Variants in DCDC2 observed in about 807,000 individuals in gnomAD.
DCDC2 encodes doublecortin domain-containing protein 2.
A neutral mutation model predicts 50.2 loss-of-function variants in DCDC2; 40 were observed. The ratio of observed to expected loss-of-function variants is 0.80; its 90% CI spans 0.62 to 1.04. The LOEUF is 1.04. Among genes scored for constraint, DCDC2 ranks in the 50% least tolerant of loss-of-function variants. The pLI, the probability that DCDC2 is intolerant of heterozygous loss-of-function variation, is 0.00. For missense variants in DCDC2, 570 were observed against 581.9 expected, an observed-to-expected ratio of 0.98 and a Z score of 0.21; for synonymous variants, 234 against 210.6, an observed-to-expected ratio of 1.11 and a Z score of -0.96.
At position 24,187,263 on chromosome 6, in the gene DCDC2, A is replaced by G. The variant is rs938513707; in HGVS notation, c.1024-8631T>C. ...AGGCCAAACCCAGACCTTCCCAGACATAAGTTTGGAGTGGGGAGAGTCCTC... is the reference window on the plus strand; with the variant it reads ...AGGCCAAACCCAGACCTTCCCAGACGTAAGTTTGGAGTGGGGAGAGTCCTC... On this transcript the variant is annotated intron_variant, in intron 8 of 9. Transcript: ENST00000378454. Among the ~76,000 whole-genome samples, 10 of 152,174 alleles carry G rather than the reference A, an allele frequency of 6.6e-5. No individual in the cohort carries two copies. The East Asian group carries it at 9.6e-4, about 15-fold the overall frequency.
At chr6:24,183,847 T>G (rs1761135292) in intron 8 of DCDC2, among the ~76,000 whole-genome samples, 1 of 152,172 alleles carries the variant, frequency 6.6e-6, no homozygotes, top group Non-Finnish European at 1.5e-5. Flanking sequence ...GAGAAGCAGT[T>G]AAGGGCATGT....
At chr6:24,334,666 T>A (rs1318984028) in intron 2 of DCDC2, among the ~76,000 whole-genome samples, 1 of 152,222 alleles carries the variant, frequency 6.6e-6, no homozygotes, top group Non-Finnish European at 1.5e-5. Context: ...AGCTTTGGCA[T>A]GAGCACCCCA....
the DCDC2 span, among the ~76,000 whole-genome samples, chr6:24,364,931 T>C: frequency 6.6e-6 from 1 of 152,170 alleles, no homozygotes; most frequent in Non-Finnish European, 1.5e-5. Context: ...ATTCTGCTAG[T>C]TTTTCCTTAA....
Position 24,339,386 on chromosome 6 carries a change from G to T in DCDC2, c.348+14183C>A, listed in dbSNP as rs75320761. 7.7e-3 allele frequency among the ~76,000 whole-genome samples: 1,170 copies of T among 152,144 alleles called. 14 individuals are homozygous for T. Among genetic ancestry groups the T allele is most frequent in the African/African-American group, 0.026 (1,083 of 41,502 alleles). The stretch of plus-strand genomic sequence containing the variant: ...AGCCAGCTTCAGGAAAGCTTGCCTT[G>T]TCTGATATATTCACCATTGCAAATC... On this transcript the variant is annotated intron_variant, in intron 2 of 9. Transcript: ENST00000378454.
rs1377905851 is a variant in DCDC2, at chr6:24,357,450, C to T, written c.293+8G>A. The T allele has an allele frequency of 1.9e-6, 3 of 1,589,228 alleles. No individual in the cohort carries two copies. The highest frequency in any genetic ancestry group is 2.2e-5 in the East Asian group (1 of 44,574). ...TAAATGGGTGGGCGGTGGGGGAGAC[C>T]GACTCACTTGAGTTTCTTGAAGGCT... On this transcript the variant is annotated splice_region_variant and intron_variant, in intron 1 of 9. Transcript: ENST00000378454.
chr6:24,249,548 A>C (rs567772591), intron 7 of DCDC2, among the ~76,000 whole-genome samples: 1 of 152,374 alleles, frequency 6.6e-6, no homozygotes, highest in Non-Finnish European at 1.5e-5. Context: ...TTGGTTGCAC[A>C]AAACGCCTAT....
upstream of DCDC2, among the ~76,000 whole-genome samples, chr6:24,359,180 T>TTA (rs1760585317): frequency 2.0e-5 from 1 of 50,326 alleles, no homozygotes; most frequent in African/African-American, 8.8e-5. Flanking sequence ...TATATATATT[T>TTA]TATATATTTT....
intron 2 of DCDC2, among the ~76,000 whole-genome samples, chr6:24,349,446 C>G (rs1760323819): frequency 6.6e-6 from 1 of 152,140 alleles, no homozygotes; most frequent in South Asian, 2.1e-4. Context: ...GCAGAAATCA[C>G]ATTCAGTAAA....
At chr6:24,330,242 T>C (rs1759942901) in intron 2 of DCDC2, among the ~76,000 whole-genome samples, 1 of 152,174 alleles carries the variant, frequency 6.6e-6, no homozygotes, top group African/African-American at 2.4e-5. Context: ...AGAATAACTG[T>C]TTGGATGGCT....
intron 2 of DCDC2, among the ~76,000 whole-genome samples, chr6:24,337,106 G>GTTACTC (rs1346889178): frequency 2.0e-5 from 3 of 152,062 alleles, no homozygotes; most frequent in Non-Finnish European, 2.9e-5. Context: ...CTTGGTAAAT[G>GTTACTC]TTACTCGAAA....
intron 7 of DCDC2, among the ~76,000 whole-genome samples, chr6:24,237,967 GTACTA>G (rs1289145842): frequency 6.7e-6 from 1 of 150,184 alleles, no homozygotes; most frequent in East Asian, 2.0e-4. Context: ...TACCTATTGG[GTACTA>G]TACTTACTAC....
At chr6:24,232,028 C>T (rs925917017) in intron 7 of DCDC2, among the ~76,000 whole-genome samples, 3 of 133,020 alleles carry the variant, frequency 2.3e-5, no homozygotes, top group African/African-American at 8.8e-5. Context: ...CACACACACA[C>T]ATACACACAT....
At chr6:24,190,243 C>A (rs1476235904) in intron 8 of DCDC2, among the ~76,000 whole-genome samples, 2 of 152,072 alleles carry the variant, frequency 1.3e-5, no homozygotes, top group East Asian at 1.9e-4. Context: ...TCCTGTGACA[C>A]CCAAATGAGA....
intron 8 of DCDC2, among the ~76,000 whole-genome samples, chr6:24,194,114 C>T (rs1054292576): frequency 6.6e-6 from 1 of 152,058 alleles, no homozygotes; most frequent in African/African-American, 2.4e-5. Context: ...TATAGCAGTA[C>T]TCCATGAGAA....
At position 24,259,811 on chromosome 6, in the gene DCDC2, T is replaced by C. The variant is rs560401492; in HGVS notation, c.922+18238A>G. ...CTCAAAGCCTTGCTTGGTTACTCTA[T>C]TCTGCTACTTGTAATATCCTACCTT... On this transcript the variant is annotated intron_variant, in intron 7 of 9. Coordinates refer to ENST00000378454, the MANE Select transcript of DCDC2 (RefSeq NM_016356.5). Among the ~76,000 whole-genome samples, 187 of 152,340 alleles carry C rather than the reference T, an allele frequency of 1.2e-3. 1 individual carries two copies. Among genetic ancestry groups the C allele is most frequent in the Middle Eastern group, 6.8e-3 (2 of 294 alleles).
intron 5 of DCDC2, among the ~76,000 whole-genome samples, chr6:24,290,229 G>A (rs938719472): frequency 6.6e-6 from 1 of 151,590 alleles, no homozygotes; most frequent in South Asian, 2.1e-4. Flanking sequence ...TCCTGACCTC[G>A]TGATCCGCCC....
Position 24,228,938 on chromosome 6 carries a change from A to G in DCDC2, c.923-23836T>C, listed in dbSNP as rs1322371088. Among the ~76,000 whole-genome samples the G allele has an allele frequency of 2.0e-5, 3 of 152,196 alleles. No individual in the cohort carries two copies. The East Asian group carries it at 5.8e-4, about 29-fold the overall frequency. ...GTGGCCACTGCTAGATTTCACAATC[A>G]TACACTTCTGAAGTGCTTTCTGGTT... On this transcript the variant is annotated intron_variant, in intron 7 of 9. Transcript: ENST00000378454.
At chr6:24,176,992 T>C (rs553336320) in intron 9 of DCDC2, among the ~76,000 whole-genome samples, 23 of 152,342 alleles carry the variant, frequency 1.5e-4, no homozygotes, top group African/African-American at 4.6e-4. Context: ...AATCCATTCA[T>C]TTCTGTAAAA....
At chr6:24,291,703 T>G (rs967756692) in intron 4 of DCDC2, among the ~76,000 whole-genome samples, 6 of 152,086 alleles carry the variant, frequency 3.9e-5, no homozygotes, top group Admixed American at 3.9e-4. Context: ...GCCGGGATGG[T>G]CTCGATCTCC....
Sources: allele counts gnomAD v4.1 joint callset (sites outside exome capture counted in the v4.1 genomes callset), GRCh38; gene constraint gnomAD v4.1.1; transcripts MANE v1.5; gene names NCBI Gene and HGNC (gene_info 2026-07-23, HGNC 2026-07-21).